TRMO: variants seen among roughly 807,000 people sequenced by gnomAD.
TRMO encodes tRNA methyltransferase O.
Under a neutral mutation model 37.2 loss-of-function variants are expected in TRMO, and 30 were observed. The ratio of observed to expected loss-of-function variants is 0.81; its 90% CI spans 0.60 to 1.09. TRMO has a LOEUF of 1.09. TRMO is among the 50% of genes least tolerant of loss of function. The pLI is 0.00. For missense variants in TRMO, 552 were observed against 549.5 expected, an observed-to-expected ratio of 1.00 and a Z score of -0.05; for synonymous variants, 239 against 199.4, an observed-to-expected ratio of 1.20 and a Z score of -1.67.
intron 2 of TRMO, among the ~76,000 whole-genome samples, chr9:97,915,512 A>G (rs1354515654): frequency 6.6e-6 from 1 of 152,238 alleles, no homozygotes; most frequent in Non-Finnish European, 1.5e-5. Flanking sequence ...GGGTAGAATA[A>G]TGACCCAGGG....
At chr9:97,915,703 G>A (rs988963849) in intron 2 of TRMO, 1 of 152,274 alleles carries the variant, frequency 6.6e-6, no homozygotes, top group African/African-American at 2.4e-5. Flanking sequence ...TGGTTCAAAG[G>A]TAATGAGTTA....
chr9:97,921,383 T>C (rs377082457), intron 1 of TRMO, among the ~76,000 whole-genome samples: 3 of 152,140 alleles, frequency 2.0e-5, no homozygotes, highest in East Asian at 1.9e-4. Context: ...CGGTGAGAGC[T>C]TGCCTCTACA....
In TRMO at chr9:97,913,089, T is replaced by C. The variant is rs529653050; in HGVS notation, c.409+312A>G. On this transcript the variant is annotated intron_variant, in intron 3 of 4. Coordinates refer to ENST00000375119, the MANE Select transcript of TRMO (RefSeq NM_016481.5). ...CCATTTATTTTTAATCATTTTGTAT[T>C]TACTGCATTCCAAGTCAGAGAAACT... The C allele has an allele frequency of 1.2e-4, 61 of 506,214 alleles. 1 individual carries two copies. The highest frequency in any genetic ancestry group is 9.2e-4 in the South Asian group (53 of 57,398). 31.4% of individuals were successfully genotyped at this position (506,214 alleles called of 1,614,324 possible).
chr9:97,911,020 T>C (rs1186443326), intron 3 of TRMO: 1 of 461,680 alleles, frequency 2.2e-6, no homozygotes, highest in East Asian at 6.7e-5. Flanking sequence ...CAACTCATCT[T>C]TGTATCACTG....
intron 1 of TRMO, 37 bp downstream of exon 1, chr9:97,922,381 C>A: frequency 7.0e-7 from 1 of 1,424,470 alleles, no homozygotes; most frequent in South Asian, 1.2e-5. Flanking sequence ...GGGCCTAAAC[C>A]TCTCCAGAGT....
intron 1 of TRMO, among the ~76,000 whole-genome samples, chr9:97,918,618 A>T (rs1826479672): frequency 6.6e-6 from 1 of 152,162 alleles, no homozygotes; most frequent in South Asian, 2.1e-4. Flanking sequence ...TACCAGCATA[A>T]GCAGTAAGAC....
At chr9:97,905,023 A>C (rs761481614) in intron 4 of TRMO, 31 bp from the exon 5 acceptor site, 14 of 1,601,654 alleles carry the variant, frequency 8.7e-6, no homozygotes, top group Non-Finnish European at 1.7e-6. Flanking sequence ...CTTAATGAGC[A>C]CTATCATGCA....
At chr9:97,911,979 C>T (rs1400239441) in intron 3 of TRMO, 2 of 152,158 alleles carry the variant, frequency 1.3e-5, no homozygotes, top group Admixed American at 1.3e-4. Context: ...TGAATTATGC[C>T]TAACAATATC....
At chr9:97,918,066 A>C (rs1418980304) in intron 1 of TRMO, among the ~76,000 whole-genome samples, 1 of 151,604 alleles carries the variant, frequency 6.6e-6, no homozygotes, top group Non-Finnish European at 1.5e-5. Context: ...TAATTTCTAT[A>C]ATATTTGAAG....
intron 3 of TRMO, chr9:97,912,349 T>C (rs1259493610): frequency 6.5e-6 from 1 of 153,072 alleles, no homozygotes. Flanking sequence ...TTTATCACTA[T>C]AGCTCTAGCA....
intron 1 of TRMO, among the ~76,000 whole-genome samples, chr9:97,919,249 C>A (rs1262480634): frequency 6.6e-6 from 1 of 151,862 alleles, no homozygotes; most frequent in Admixed American, 6.6e-5. Context: ...CCAAAAAAGA[C>A]CCCTAGCCCA....
At position 97,904,915 on chromosome 9, in the gene TRMO, C is replaced by G; in HGVS notation, c.1144G>C (p.Asp382His). 1 of 1,614,188 alleles carries G rather than the reference C, an allele frequency of 6.2e-7. No individual in the cohort carries two copies. The highest frequency in any genetic ancestry group is 8.5e-7 in the Non-Finnish European group (1 of 1,180,030). Reference protein sequence around the residue: ...KRAIEAVLSADPRSVYRRKLC... With the variant: ...KRAIEAVLSAHPRSVYRRKLC... The stretch of plus-strand genomic sequence containing the variant: ...TTCCGGCGGTACACAGACCGAGGAT[C>G]CGCTGACAGCACAGCCTCAATGGCA... The change falls in exon 5 of 5, where the codon GAT (aspartate) becomes CAT (histidine). Residue 382 changes from aspartate to histidine, a missense_variant. Asp to His is a moderately conservative substitution (Grantham distance 81). Transcript: ENST00000375119.
intron 1 of TRMO, 93 bp downstream of exon 1, chr9:97,922,325 C>T: frequency 2.4e-6 from 2 of 833,510 alleles, no homozygotes; most frequent in Non-Finnish European, 3.9e-6. Flanking sequence ...ACGTCAGTTC[C>T]AGATCGTGCG....
chr9:97,904,929 G>T lies in TRMO; in HGVS notation c.1130C>A (p.Ala377Asp). ...SAEEAKRAIEAVLSADPRSVY... is the reference protein window; with the variant it reads ...SAEEAKRAIEDVLSADPRSVY... ...AGACCGAGGATCCGCTGACAGCACAGCCTCAATGGCACGCTTTGCTTCCTC... is the reference window on the plus strand; with the variant it reads ...AGACCGAGGATCCGCTGACAGCACATCCTCAATGGCACGCTTTGCTTCCTC... Residue 377 changes from alanine to aspartate, a missense_variant, in exon 5 of 5, where the codon GCT becomes GAT. Coordinates refer to ENST00000375119, the MANE Select transcript of TRMO (RefSeq NM_016481.5). The T allele has an allele frequency of 1.2e-6, 2 of 1,614,170 alleles. No individual in the cohort carries two copies. Among genetic ancestry groups the T allele is most frequent in the South Asian group, 2.2e-5 (2 of 91,082 alleles).
At position 97,910,490 on chromosome 9, in the gene TRMO, T is replaced by C; in HGVS notation, c.536A>G (p.Gln179Arg). 2 of 1,614,212 alleles carry C rather than the reference T, an allele frequency of 1.2e-6. No individual in the cohort carries two copies. The highest frequency in any genetic ancestry group is 8.5e-7 in the Non-Finnish European group (1 of 1,180,040). The change falls in exon 4 of 5, where the codon CAG (glutamine) becomes CGG (arginine). Residue 179 changes from glutamine to arginine, a missense_variant. Physicochemically the swap from Gln to Arg is conservative, Grantham distance 43 (BLOSUM62 1). Coordinates refer to ENST00000375119, the MANE Select transcript of TRMO (RefSeq NM_016481.5). Reference protein sequence around the residue: ...VMEPLADFNLQNNQHTPNTVS... With the variant: ...VMEPLADFNLRNNQHTPNTVS... ...AGTGTTTGGTGTATGTTGGTTATTC[T>C]GTAAATTAAAGTCTGCTAAAGGCTC...
chr9:97,921,016 G>A (rs1207033294), intron 1 of TRMO, among the ~76,000 whole-genome samples: 4 of 152,152 alleles, frequency 2.6e-5, no homozygotes, highest in South Asian at 2.1e-4. Flanking sequence ...GTAGACTTCT[G>A]AGCCCTGGCT....
intron 4 of TRMO, among the ~76,000 whole-genome samples, chr9:97,908,360 C>A (rs967742089): frequency 2.7e-5 from 4 of 147,462 alleles, no homozygotes; most frequent in Non-Finnish European, 5.9e-5. Flanking sequence ...TGCAGTGAGC[C>A]GAGATCGAGC....
chr9:97,921,922 T>C (rs1192846343), intron 1 of TRMO, among the ~76,000 whole-genome samples: 1 of 152,204 alleles, frequency 6.6e-6, no homozygotes, highest in African/African-American at 2.4e-5. Flanking sequence ...TTCCAGTTTC[T>C]AAAGCTAATA....
At chr9:97,903,614 G>C (rs995188015), downstream of TRMO, among the ~76,000 whole-genome samples, 1 of 152,222 alleles carries the variant, frequency 6.6e-6, no homozygotes, top group Non-Finnish European at 1.5e-5. Flanking sequence ...TGTTTCCTAT[G>C]TGGTACTACA....
Sources: allele counts gnomAD v4.1 joint callset (sites outside exome capture counted in the v4.1 genomes callset), GRCh38; gene constraint gnomAD v4.1.1; transcripts MANE v1.5; gene names NCBI Gene and HGNC (gene_info 2026-07-23, HGNC 2026-07-21).